Variants in VPS50 observed in about 807,000 individuals in gnomAD.
VPS50 encodes the protein VPS50 subunit of EARP/GARPII complex, also known as syndetin.
In VPS50, 70 loss-of-function variants were observed where a neutral mutation model predicts 139.7. That is an observed-to-expected ratio of 0.50 (90% CI 0.41 to 0.61). The LOEUF (loss-of-function observed/expected upper bound fraction) is 0.61, where lower values mean the gene tolerates loss of function less well. Among genes scored for constraint, VPS50 ranks in the 20% least tolerant of loss-of-function variants. VPS50 has a pLI of 0.00. For missense variants in VPS50, 921 were observed against 1,133.7 expected (o/e 0.81, Z 2.69); for synonymous variants, 365 against 376.7 (o/e 0.97, Z 0.36).
chr7:93,322,236 AT>A (rs1180090264), intron 20 of VPS50, among the ~76,000 whole-genome samples: 1 of 152,218 alleles, frequency 6.6e-6, no homozygotes, highest in Non-Finnish European at 1.5e-5. Flanking sequence ...GATAGTAGAC[AT>A]TTCCTTTGGA....
rs1794665877 is a variant in VPS50 at position 93,232,561 on chromosome 7, G to A, written c.33+61G>A. ...TCTCGGAAGTGAGAGGAGCCGAGATGTTCTGTCCCCAACCAGTGGCGGGCG... is the reference window on the plus strand; with the variant it reads ...TCTCGGAAGTGAGAGGAGCCGAGATATTCTGTCCCCAACCAGTGGCGGGCG... On this transcript the variant is annotated intron_variant, in intron 1 of 27. Transcript: ENST00000305866. 1.5e-5 allele frequency: 21 copies of A among 1,421,530 alleles called. No individual in the cohort carries two copies. In the South Asian group the frequency reaches 2.4e-4, roughly 16 times the overall value. The allele number at this position is 1,421,530 out of a possible 1,614,324, so 88.1% of individuals were successfully genotyped here.
chr7:93,245,033 C>G (rs1162589565), intron 2 of VPS50, among the ~76,000 whole-genome samples: 1 of 151,792 alleles, frequency 6.6e-6, no homozygotes, highest in Non-Finnish European at 1.5e-5. Flanking sequence ...CAGAGAGGTA[C>G]AAGACTGTTC....
chr7:93,351,158 C>T (rs908261450), intron 25 of VPS50, among the ~76,000 whole-genome samples: 1 of 152,084 alleles, frequency 6.6e-6, no homozygotes, highest in Non-Finnish European at 1.5e-5. Flanking sequence ...CATCAGTAAC[C>T]AATTGCTAGG....
chr7:93,232,559 A>T, intron 1 of VPS50, 59 bp downstream of exon 1: 1 of 1,444,020 alleles, frequency 6.9e-7, no homozygotes, highest in Non-Finnish European at 9.7e-7. Context: ...AGGAGCCGAG[A>T]TGTTCTGTCC....
chr7:93,250,912 A>G (rs903519701), intron 2 of VPS50, among the ~76,000 whole-genome samples: 3 of 151,966 alleles, frequency 2.0e-5, no homozygotes, highest in Non-Finnish European at 4.4e-5. Flanking sequence ...AAAGAAGCCA[A>G]CAAACATATG....
chr7:93,339,145 T>G (rs967764000), intron 22 of VPS50, among the ~76,000 whole-genome samples: 1 of 151,830 alleles, frequency 6.6e-6, no homozygotes, highest in Non-Finnish European at 1.5e-5. Context: ...TTTTTTCTGC[T>G]GGAGTAGGGT....
At chr7:93,336,420 C>T (rs1458125544) in intron 22 of VPS50, among the ~76,000 whole-genome samples, 3 of 152,134 alleles carry the variant, frequency 2.0e-5, no homozygotes, top group Non-Finnish European at 4.4e-5. Context: ...AGAAAGGAAG[C>T]TGGTATAGGC....
At chr7:93,330,022 A>G (rs749446974) in intron 21 of VPS50, among the ~76,000 whole-genome samples, 1 of 152,160 alleles carries the variant, frequency 6.6e-6, no homozygotes, top group Non-Finnish European at 1.5e-5. Context: ...TTCTTTTTCC[A>G]CTTTCTTTAT....
chr7:93,349,401 G>C (rs999828630), intron 24 of VPS50, among the ~76,000 whole-genome samples: 1 of 152,200 alleles, frequency 6.6e-6, no homozygotes, highest in Non-Finnish European at 1.5e-5. Context: ...GGGCATGGAA[G>C]CTCCTGGAGG....
chr7:93,355,835 G>GT (rs1798690738), intron 26 of VPS50, 56 bp from the exon 27 acceptor site: 1 of 1,102,398 alleles, frequency 9.1e-7, no homozygotes, highest in Non-Finnish European at 1.3e-6. Flanking sequence ...ATACCTGACA[G>GT]TTTTTTGTTT....
chr7:93,334,547 T>C (rs1161317239), intron 22 of VPS50, among the ~76,000 whole-genome samples: 1 of 152,168 alleles, frequency 6.6e-6, no homozygotes, highest in African/African-American at 2.4e-5. Context: ...TAAATTAAGG[T>C]ACACAGGGTG....
At chr7:93,343,982 T>C (rs1188711524) in intron 23 of VPS50, among the ~76,000 whole-genome samples, 2 of 152,202 alleles carry the variant, frequency 1.3e-5, no homozygotes, top group East Asian at 3.9e-4. Flanking sequence ...CATAACCATA[T>C]TAACTTTAAA....
intron 2 of VPS50, among the ~76,000 whole-genome samples, chr7:93,247,882 TCTC>T (rs1314994589): frequency 6.6e-6 from 1 of 152,048 alleles, no homozygotes; most frequent in Non-Finnish European, 1.5e-5. Flanking sequence ...GCTTTTGTTT[TCTC>T]CTCTTTGTTA....
Position 93,356,046 on chromosome 7 carries a change from A to C in VPS50, c.2741A>C (p.Glu914Ala). 2.6e-6 allele frequency: 4 copies of C among 1,543,562 alleles called. No individual in the cohort carries two copies. Among genetic ancestry groups the C allele is most frequent in the Non-Finnish European group, 2.7e-6 (3 of 1,131,010 alleles). Residue 914 changes from glutamate to alanine, a missense_variant, in exon 27 of 28, where the codon GAG (glutamate) becomes GCG (alanine). By Grantham distance (107) the Glu-to-Ala change is moderately radical. Around this residue, in one of 3 missense-constraint regions of VPS50, gnomAD observed 158 missense variants for 156.3 expected, o/e 1.01. Coordinates refer to ENST00000305866, the MANE Select transcript of VPS50 (RefSeq NM_017667.4). ...TATATTAAAGCTTATTACCTAACTG[A>C]GAATGACATGGAACGGTGGATCAAA... ...ETYIKAYYLT[E>A]NDMERWIKEH...
chr7:93,304,979 T>C (rs761257409), intron 17 of VPS50, among the ~76,000 whole-genome samples: 4 of 151,936 alleles, frequency 2.6e-5, no homozygotes, highest in Non-Finnish European at 5.9e-5. Flanking sequence ...CAAGCCAATG[T>C]ACCTTTCAAG....
At chr7:93,353,850 A>G in intron 26 of VPS50, 89 bp downstream of exon 26, 1 of 1,049,844 alleles carries the variant, frequency 9.5e-7, no homozygotes, top group Non-Finnish European at 1.4e-6. Flanking sequence ...GGAGAGAATA[A>G]GTAGAAATAA....
rs148239827 is a variant in VPS50, at chr7:93,350,994, C to T, written c.2463+961C>T. On this transcript the variant is annotated intron_variant, in intron 25 of 27. Coordinates refer to ENST00000305866, the MANE Select transcript of VPS50 (RefSeq NM_017667.4). ...CAAGTCAACAAATAAGAGCCTAGGA[C>T]AGCTGAGAACCAATGAACAGAGCCA... Among the ~76,000 whole-genome samples, 5 of 152,252 alleles carry T rather than the reference C, an allele frequency of 3.3e-5. No individual in the cohort carries two copies. The East Asian group carries it at 9.6e-4, about 29-fold the overall frequency.
intron 20 of VPS50, chr7:93,321,001 A>G (rs1797599097): frequency 6.6e-6 from 1 of 152,136 alleles, no homozygotes; most frequent in Non-Finnish European, 1.5e-5. Flanking sequence ...TGAGATGTCA[A>G]ATGTTTTGAG....
intron 20 of VPS50, among the ~76,000 whole-genome samples, chr7:93,319,087 A>T (rs1027611046): frequency 6.6e-6 from 1 of 152,182 alleles, no homozygotes; most frequent in Non-Finnish European, 1.5e-5. Flanking sequence ...ATCATTCAAG[A>T]GCTCAATATC....
Sources: gnomAD v4.1 joint callset for allele counts (sites outside exome capture counted in the v4.1 genomes callset) on GRCh38, gnomAD v4.1.1 for gene constraint, gnomAD v4.1.1 regional missense constraint, MANE v1.5 for transcripts, NCBI Gene and HGNC (gene_info 2026-07-23, HGNC 2026-07-21) for gene names.